Variants in MCTP2 observed in about 807,000 individuals in gnomAD.
MCTP2 encodes multiple C2 and transmembrane domain-containing protein 2.
A neutral mutation model predicts 111.6 loss-of-function variants in MCTP2; 132 were observed. The ratio of observed to expected loss-of-function variants is 1.18; its 90% CI spans 1.03 to 1.37. The LOEUF is 1.37. Among genes scored for constraint, MCTP2 ranks in the 40% most tolerant of loss-of-function variants. The pLI, the probability that MCTP2 is intolerant of heterozygous loss-of-function variation, is 0.00. For synonymous variants in MCTP2, 395 were observed against 387.7 expected, an observed-to-expected ratio of 1.02 and a Z score of -0.22; for missense variants, 1,183 against 1,067.9, an observed-to-expected ratio of 1.11 and a Z score of -1.50.
At chr15:94,302,532 C>T (rs761202793) in intron 2 of MCTP2, among the ~76,000 whole-genome samples, 3 of 152,188 alleles carry the variant, frequency 2.0e-5, no homozygotes, top group Admixed American at 6.5e-5. Context: ...TGAGAACATA[C>T]GCTTAGAAGA....
chr15:94,326,368 A>G (rs2076871666), intron 4 of MCTP2, among the ~76,000 whole-genome samples: 1 of 152,294 alleles, frequency 6.6e-6, no homozygotes, highest in South Asian at 2.1e-4. Flanking sequence ...CTGTGTGTAC[A>G]GGTTACTTTT....
chr15:94,305,039 A>G, intron 2 of MCTP2, among the ~76,000 whole-genome samples: 1 of 152,164 alleles, frequency 6.6e-6, no homozygotes, highest in Non-Finnish European at 1.5e-5. Context: ...CTGACGGATA[A>G]AGAGTCATTG....
At chr15:94,441,896 G>A (rs1230031103) in intron 18 of MCTP2, among the ~76,000 whole-genome samples, 1 of 152,144 alleles carries the variant, frequency 6.6e-6, no homozygotes, top group Non-Finnish European at 1.5e-5. Context: ...TTCCCCAGAG[G>A]ACCCATGAGT....
chr15:94,292,944 T>C (rs1434126521), intron 1 of MCTP2: 3 of 152,146 alleles, frequency 2.0e-5, no homozygotes, highest in Admixed American at 6.5e-5. Context: ...AGATTTTTGA[T>C]GAAAGTACAA....
rs916846419 is a variant in MCTP2, at chr15:94,468,547, T to G, written c.2361-1786T>G. ...TGACCAATAGGCATATTAAAAGGTA[T>G]TCAAATTTGCTTATAATTTAAAGAA... is the stretch of plus-strand genomic sequence containing the variant. On this transcript the variant is annotated intron_variant, in intron 20 of 22. Transcript: ENST00000357742. Among the ~76,000 whole-genome samples the G allele has an allele frequency of 9.9e-5, 15 of 152,224 alleles. No homozygotes were observed. The South Asian group carries it at 3.1e-3, about 32-fold the overall frequency.
At chr15:94,241,667 G>A (rs934143896) in intron 1 of MCTP2, among the ~76,000 whole-genome samples, 2 of 151,688 alleles carry the variant, frequency 1.3e-5, no homozygotes, top group African/African-American at 4.8e-5. Flanking sequence ...TTTTTTTTCT[G>A]GAAATGAGTG....
intron 2 of MCTP2, among the ~76,000 whole-genome samples, chr15:94,306,950 A>G (rs893868444): frequency 2.0e-5 from 3 of 152,212 alleles, no homozygotes; most frequent in Admixed American, 6.5e-5. Flanking sequence ...CAGTTTCTCT[A>G]CACTTCAATG....
chr15:94,312,478 C>G (rs574583064), intron 2 of MCTP2, among the ~76,000 whole-genome samples: 1 of 152,210 alleles, frequency 6.6e-6, no homozygotes, highest in Non-Finnish European at 1.5e-5. Flanking sequence ...AGAGTTAGGG[C>G]TGTCTTCCTG....
intron 8 of MCTP2, among the ~76,000 whole-genome samples, chr15:94,351,623 C>T (rs2078306558): frequency 6.6e-6 from 1 of 152,208 alleles, no homozygotes; most frequent in Non-Finnish European, 1.5e-5. Flanking sequence ...GTTTATCCTT[C>T]TGTCTCTGAG....
At chr15:94,427,193 T>G (rs998040088) in intron 17 of MCTP2, among the ~76,000 whole-genome samples, 23 of 152,300 alleles carry the variant, frequency 1.5e-4, no homozygotes, top group Admixed American at 2.6e-4. Context: ...ATGCATGCAC[T>G]CCAATTTTTG....
chr15:94,265,688 T>A (rs2073478501), intron 1 of MCTP2, among the ~76,000 whole-genome samples: 1 of 152,206 alleles, frequency 6.6e-6, no homozygotes, highest in South Asian at 2.1e-4. Context: ...CAGTTGTACA[T>A]TTAAAATGGG....
chr15:94,340,552 T>A (rs1266276319), intron 6 of MCTP2, among the ~76,000 whole-genome samples: 1 of 152,196 alleles, frequency 6.6e-6, no homozygotes, highest in Non-Finnish European at 1.5e-5. Context: ...TTAACATAAC[T>A]TAAAATTAAA....
At chr15:94,285,293 CAT>C (rs773840123) in intron 1 of MCTP2, among the ~76,000 whole-genome samples, 3 of 152,170 alleles carry the variant, frequency 2.0e-5, no homozygotes, top group East Asian at 1.9e-4. Context: ...CTCTACCTAA[CAT>C]GTGCTCAAAT....
At chr15:94,374,389 G>A (rs938041212) in intron 12 of MCTP2, among the ~76,000 whole-genome samples, 5 of 152,184 alleles carry the variant, frequency 3.3e-5, no homozygotes, top group Non-Finnish European at 4.4e-5. Flanking sequence ...GCACATGTGT[G>A]CAGATTATTC....
intron 8 of MCTP2, among the ~76,000 whole-genome samples, chr15:94,352,860 A>G (rs1171508173): frequency 6.6e-6 from 1 of 152,222 alleles, no homozygotes; most frequent in African/African-American, 2.4e-5. Context: ...CCTGAACCCC[A>G]GACTCCCTGG....
rs58768404 is a variant in MCTP2, at chr15:94,443,981, CAAAAAAAAAAAA to C, written c.2250+1035_2250+1046del. ...TAAGGTTTATAATGGGATATTTTAC[CAAAAAAAAAAAA>C]AAAAAAAAAAAAACAGAAGTATTAG... On this transcript the variant is annotated intron_variant, in intron 19 of 22. Coordinates refer to ENST00000357742, the MANE Select transcript of MCTP2 (RefSeq NM_001385001.1). 5.8e-5 allele frequency among the ~76,000 whole-genome samples: 4 copies of C among 69,412 alleles called. No individual in the cohort carries two copies. The Admixed American group carries it at 6.5e-4, about 11-fold the overall frequency. The allele number at this position is 69,412 out of a possible 152,430, so 45.5% of individuals were successfully genotyped here.
chr15:94,466,427 T>C (rs2073307151), intron 20 of MCTP2, among the ~76,000 whole-genome samples: 1 of 152,120 alleles, frequency 6.6e-6, no homozygotes, highest in Non-Finnish European at 1.5e-5. Context: ...CTAGGTCCTT[T>C]CTTAAATTTT....
intron 1 of MCTP2, among the ~76,000 whole-genome samples, chr15:94,259,330 T>G (rs1197311497): frequency 6.6e-6 from 1 of 152,058 alleles, no homozygotes; most frequent in East Asian, 1.9e-4. Context: ...TGGGGCAGAG[T>G]GGTGATCAGG....
chr15:94,251,617 C>A (rs1167246356), intron 1 of MCTP2, among the ~76,000 whole-genome samples: 1 of 152,156 alleles, frequency 6.6e-6, no homozygotes, highest in Admixed American at 6.5e-5. Flanking sequence ...CCTCGGCCTC[C>A]CAAAGTGCTG....
Sources: allele counts gnomAD v4.1 joint callset (sites outside exome capture counted in the v4.1 genomes callset), GRCh38; gene constraint gnomAD v4.1.1; transcripts MANE v1.5; gene names NCBI Gene and HGNC (gene_info 2026-07-23, HGNC 2026-07-21).